Variants in PASD1 observed in about 807,000 individuals in gnomAD.
PASD1 encodes the protein circadian clock protein PASD1.
PASD1 carries 13 observed loss-of-function variants against 58.8 expected under a neutral mutation model. The ratio of observed to expected loss-of-function variants is 0.22; its 90% confidence interval spans 0.14 to 0.35. The LOEUF (loss-of-function observed/expected upper bound fraction) is 0.35, where lower values mean the gene tolerates loss of function less well. Among genes scored for constraint, PASD1 ranks in the 10% least tolerant of loss-of-function variants. The pLI is 1.00. For synonymous variants in PASD1, 236 were observed against 216.7 expected, an observed-to-expected ratio of 1.09 and a Z score of -0.78; for missense variants, 734 against 568.3, an observed-to-expected ratio of 1.29 and a Z score of -2.96.
intron 9 of PASD1, among the ~76,000 whole-genome samples, chrX:151,656,841 C>A (rs1242130942): frequency 1.8e-5 from 2 of 111,699 alleles, no homozygotes; most frequent in Non-Finnish European, 3.8e-5. Flanking sequence ...TAATTGAATA[C>A]CATTTATTTC....
At chrX:151,565,571 T>G (rs1602894830) in intron 1 of PASD1, among the ~76,000 whole-genome samples, 1 of 103,331 alleles carries the variant, frequency 9.7e-6, no homozygotes, top group African/African-American at 3.6e-5. Flanking sequence ...TTTTTTTTTT[T>G]TTTTTTGAGA....
chrX:151,627,312 T>A (rs947100000), intron 8 of PASD1, among the ~76,000 whole-genome samples: 13 of 110,462 alleles, frequency 1.2e-4, no homozygotes, highest in Admixed American at 9.7e-4. Flanking sequence ...CCATTAACTC[T>A]TCATTTAACA....
intron 8 of PASD1, among the ~76,000 whole-genome samples, chrX:151,638,291 T>C (rs1327607659): frequency 1.8e-5 from 2 of 108,810 alleles, no homozygotes; most frequent in Non-Finnish European, 3.8e-5. Flanking sequence ...CTGGGGCCTT[T>C]TGGGGAGTGG....
rs779244407 is a variant in PASD1 at position 151,666,630 on chromosome X, C to T, written c.1071+2282C>T. Among the ~76,000 whole-genome samples the T allele has an allele frequency of 3.7e-3, 337 of 90,682 alleles. 4 individuals carry two copies. The highest frequency in any genetic ancestry group is 0.011 in the African/African-American group (277 of 24,383). 78.7% of individuals were successfully genotyped at this position (90,682 alleles called of 115,157 possible). ...ATTCCCACCTATGAGTGAGAACATGCGGTGTTTGGTTTTTTGTCCTTGTGA... is the reference window on the plus strand; with the variant it reads ...ATTCCCACCTATGAGTGAGAACATGTGGTGTTTGGTTTTTTGTCCTTGTGA... On this transcript the variant is annotated intron_variant, in intron 11 of 15. Transcript: ENST00000370357.
chrX:151,597,235 A>G (rs770208320), intron 1 of PASD1, among the ~76,000 whole-genome samples: 1 of 112,122 alleles, frequency 8.9e-6, no homozygotes, highest in African/African-American at 3.2e-5. Flanking sequence ...GATAGGAGAT[A>G]CCTATCAGTT....
chrX:151,656,749 A>T, intron 9 of PASD1, among the ~76,000 whole-genome samples: 1 of 111,950 alleles, frequency 8.9e-6, no homozygotes, highest in Non-Finnish European at 1.9e-5. Context: ...CAGCTTAAGG[A>T]CATTTTGGGC....
intron 1 of PASD1, among the ~76,000 whole-genome samples, chrX:151,571,610 C>T (rs899857622): frequency 2.7e-5 from 3 of 112,470 alleles, no homozygotes; most frequent in African/African-American, 9.7e-5. Flanking sequence ...CGACTCATGT[C>T]TATGTGGTCA....
At chrX:151,640,859 T>C (rs1050729480) in intron 8 of PASD1, among the ~76,000 whole-genome samples, 1 of 112,136 alleles carries the variant, frequency 8.9e-6, no homozygotes, top group Admixed American at 9.5e-5. Context: ...TCATGTTTAC[T>C]TAATATTTCT....
At chrX:151,668,063 A>G (rs773057638) in intron 11 of PASD1, among the ~76,000 whole-genome samples, 89 of 111,024 alleles carry the variant, frequency 8.0e-4, no homozygotes, top group African/African-American at 2.8e-3. Context: ...GTGGTGAGAG[A>G]CGGCATCCCT....
chrX:151,604,994 GTC>G (rs1264977178), intron 3 of PASD1, among the ~76,000 whole-genome samples: 1 of 112,050 alleles, frequency 8.9e-6, no homozygotes, highest in Non-Finnish European at 1.9e-5. Flanking sequence ...ACACAAACAA[GTC>G]TTCGCATAGG....
intron 15 of PASD1, 59 bp downstream of exon 15, chrX:151,674,245 T>G: frequency 2.5e-6 from 3 of 1,183,125 alleles, no homozygotes; most frequent in Non-Finnish European, 3.4e-6. Flanking sequence ...TCTGGGCCCC[T>G]TCCACATAAG....
At chrX:151,626,178 T>C (rs181266268) in intron 8 of PASD1, among the ~76,000 whole-genome samples, 2 of 112,412 alleles carry the variant, frequency 1.8e-5, no homozygotes, top group African/African-American at 3.2e-5. Flanking sequence ...TACTTTTTTT[T>C]CTTGAAAAGA....
Position 151,664,344 on chromosome X carries a change from C to T in PASD1, c.1067C>T (p.Ala356Val). ...GACCTGGGGGCTGCTGGCGCAAGTGCTCAGGTACTCTGAAAGTCTCGCTTC... is the reference window on the plus strand; with the variant it reads ...GACCTGGGGGCTGCTGGCGCAAGTGTTCAGGTACTCTGAAAGTCTCGCTTC... ...SVDLGAAGASAQPLQPSSPVA... is the reference protein window; with the variant it reads ...SVDLGAAGASVQPLQPSSPVA... Residue 356 changes from alanine to valine, a missense_variant, in exon 11 of 16, where the codon GCT becomes GTT. Ala to Val is a moderately conservative substitution (Grantham distance 64, BLOSUM62 0). Coordinates refer to ENST00000370357, the MANE Select transcript of PASD1 (RefSeq NM_173493.3). 1 of 1,211,663 alleles carries T rather than the reference C, an allele frequency of 8.3e-7. No homozygotes were observed. Among genetic ancestry groups the T allele is most frequent in the Non-Finnish European group, 1.1e-6 (1 of 895,318 alleles).
Position 151,574,956 on chromosome X carries a change from C to A in PASD1, c.-28+11117C>A, listed in dbSNP as rs148976332. On this transcript the variant is annotated intron_variant, in intron 1 of 15. Transcript: ENST00000370357. ...TGTGAGCCACTGCTCCCAGCCATCA[C>A]GCACTTTTGTATCTATAAACCAAGG... 2.6e-3 allele frequency among the ~76,000 whole-genome samples: 288 copies of A among 111,790 alleles called. 1 individual carries two copies. Among genetic ancestry groups the A allele is most frequent in the African/African-American group, 8.8e-3 (272 of 30,825 alleles).
chrX:151,597,653 G>C (rs770104380), intron 1 of PASD1, among the ~76,000 whole-genome samples: 3 of 110,246 alleles, frequency 2.7e-5, no homozygotes, highest in Non-Finnish European at 5.7e-5. Flanking sequence ...TTATTTTCTG[G>C]TCCTATCTAT....
chrX:151,666,464 A>T (rs1367790272), intron 11 of PASD1, among the ~76,000 whole-genome samples: 1 of 108,081 alleles, frequency 9.3e-6, no homozygotes, highest in Non-Finnish European at 1.9e-5. Flanking sequence ...TACATGTACC[A>T]TGTTGGTGTG....
chrX:151,676,281 A>G lies in PASD1; in HGVS notation c.*138A>G, dbSNP rs1233605657. 5 of 625,324 alleles carry G rather than the reference A, an allele frequency of 8.0e-6. No homozygotes were observed. Among genetic ancestry groups the G allele is most frequent in the South Asian group, 3.9e-5 (1 of 25,963 alleles). The allele number at this position is 625,324 out of a possible 1,213,427, so 51.5% of individuals were successfully genotyped here. A position where few individuals can be genotyped will look rare whatever the true frequency, so the allele number is the denominator to read the frequency against. ...TGGGTAGAGACTTATTTGTTTCCTG[A>G]TAGGTTATGTTTGTAATTGTTTGTT... On this transcript the variant is annotated 3_prime_UTR_variant, in exon 16 of 16. Coordinates refer to ENST00000370357, the MANE Select transcript of PASD1 (RefSeq NM_173493.3).
In PASD1 at chrX:151,658,426, G is replaced by A. The variant is rs745424171; in HGVS notation, c.718-1287G>A. On this transcript the variant is annotated intron_variant, in intron 9 of 15. Coordinates refer to ENST00000370357, the MANE Select transcript of PASD1 (RefSeq NM_173493.3). Reference sequence around the variant, plus strand: ...TTTATATTGATAAGCCCGAACATACGAATACCCAAAAGTGGACATCTTAAT... The same window carrying A: ...TTTATATTGATAAGCCCGAACATACAAATACCCAAAAGTGGACATCTTAAT... Among the ~76,000 whole-genome samples the A allele has an allele frequency of 1.8e-4, 20 of 112,160 alleles. 2 individuals are homozygous for A. In the South Asian group the frequency reaches 7.1e-3, roughly 40 times the overall value.
At chrX:151,595,413 G>A (rs1687470220) in intron 1 of PASD1, among the ~76,000 whole-genome samples, 1 of 111,079 alleles carries the variant, frequency 9.0e-6, no homozygotes, top group Non-Finnish European at 1.9e-5. Context: ...ATCTTTGACT[G>A]GTCTTGTAGA....
Sources: gnomAD v4.1 joint callset for allele counts (sites outside exome capture counted in the v4.1 genomes callset) on GRCh38, gnomAD v4.1.1 for gene constraint, MANE v1.5 for transcripts, NCBI Gene and HGNC (gene_info 2026-07-23, HGNC 2026-07-21) for gene names.